Variants in FER1L6 observed in about 807,000 individuals in gnomAD.
FER1L6 encodes the protein fer-1 like family member 6.
Under a neutral mutation model 219.2 loss-of-function variants are expected in FER1L6, and 177 were observed. The ratio of observed to expected loss-of-function variants is 0.81; its 90% CI spans 0.71 to 0.91. FER1L6 has a LOEUF of 0.91. FER1L6 is among the 40% of genes least tolerant of loss of function. FER1L6 has a pLI of 0.00. For synonymous variants in FER1L6, 768 were observed against 824.3 expected (o/e 0.93, Z 1.17); for missense variants, 2,153 against 2,259.9 (o/e 0.95, Z 0.96).
chr8:124,035,445 C>T lies in FER1L6; in HGVS notation c.2455C>T (p.Leu819Phe), dbSNP rs1819157082. Reference protein sequence around the residue: ...AGTNHPPSNLLYQEQHVFQLR... With the variant: ...AGTNHPPSNLFYQEQHVFQLR... ...CACCAATCACCCCCCATCTAACCTG[C>T]TCTACCAAGGTAGGGTCCCCACTGG... Residue 819 changes from leucine (L) to phenylalanine (F), a missense_variant, in exon 19 of 41, where the codon CTC becomes TTC. Leu to Phe is a conservative substitution (Grantham distance 22, BLOSUM62 0). Transcript: ENST00000522917. The T allele has an allele frequency of 6.2e-7, 1 of 1,612,504 alleles. No homozygotes were observed. Among genetic ancestry groups the T allele is most frequent in the African/African-American group, 1.3e-5 (1 of 74,886 alleles).
intron 1 of FER1L6, among the ~76,000 whole-genome samples, chr8:123,891,421 T>C (rs1439875267): frequency 6.6e-6 from 1 of 151,468 alleles, no homozygotes; most frequent in Non-Finnish European, 1.5e-5. Flanking sequence ...ATTTACCTTC[T>C]TTTTTTTAAT....
intron 12 of FER1L6, among the ~76,000 whole-genome samples, chr8:123,990,864 G>A (rs1816822843): frequency 6.6e-6 from 1 of 152,136 alleles, no homozygotes; most frequent in South Asian, 2.1e-4. Context: ...TTAGATTTAA[G>A]TCCTTGATCC....
chr8:123,974,002 T>A (rs533689641), intron 7 of FER1L6, among the ~76,000 whole-genome samples: 1 of 152,366 alleles, frequency 6.6e-6, no homozygotes, highest in South Asian at 2.1e-4. Flanking sequence ...TAAAAATGAC[T>A]ACAGCATTTT....
rs1451847846 is a variant in FER1L6 at position 123,852,486 on chromosome 8, GTGTGT to G, written c.-8+302_-8+306del. ...TGTGAGCATGCGTGTGTGTGTGTGT[GTGTGT>G]GTGTGTGTGTGTGTGTGTGTGTTTG... On this transcript the variant is annotated intron_variant, in intron 1 of 40. Coordinates refer to ENST00000522917, the MANE Select transcript of FER1L6 (RefSeq NM_001039112.2). The surrounding 1 kb of genome is among the most constrained non-coding windows in gnomAD (Gnocchi z 4.9). Among the ~76,000 whole-genome samples the G allele has an allele frequency of 6.7e-6, 1 of 150,344 alleles. No homozygotes were observed. The highest frequency in any genetic ancestry group is 1.5e-5 in the Non-Finnish European group (1 of 67,798).
At chr8:123,986,556 AGTT>A (rs1298505380) in intron 12 of FER1L6, among the ~76,000 whole-genome samples, 1 of 152,102 alleles carries the variant, frequency 6.6e-6, no homozygotes, top group Non-Finnish European at 1.5e-5. Flanking sequence ...ACGTACAGTA[AGTT>A]GTTGTTGACT....
intron 22 of FER1L6, among the ~76,000 whole-genome samples, chr8:124,054,122 C>T (rs1232097172): frequency 6.6e-6 from 1 of 152,140 alleles, no homozygotes; most frequent in Non-Finnish European, 1.5e-5. Flanking sequence ...TCTTTTAGTG[C>T]TCATCTGAAC....
chr8:123,920,997 G>C (rs111392596), intron 1 of FER1L6, among the ~76,000 whole-genome samples: 2 of 152,148 alleles, frequency 1.3e-5, no homozygotes, highest in African/African-American at 4.8e-5. Flanking sequence ...TGTCCTCAAG[G>C]TTCATCCATG....
At chr8:123,921,539 AT>A (rs34702833) in intron 1 of FER1L6, among the ~76,000 whole-genome samples, 536 of 141,756 alleles carry the variant, frequency 3.8e-3, no homozygotes, top group East Asian at 8.3e-3. Context: ...TAATTTTTGG[AT>A]TTTTTTTTTT....
chr8:123,890,605 C>T (rs908837569), intron 1 of FER1L6, among the ~76,000 whole-genome samples: 4 of 123,682 alleles, frequency 3.2e-5, no homozygotes, highest in Admixed American at 3.2e-4. Flanking sequence ...TGATAGAGCA[C>T]ACTAGCCATT....
intron 28 of FER1L6, among the ~76,000 whole-genome samples, chr8:124,068,952 T>TC (rs1820945988): frequency 6.6e-6 from 1 of 151,062 alleles, no homozygotes; most frequent in Non-Finnish European, 1.5e-5. Flanking sequence ...TTTTTTTTTT[T>TC]CCGAGACGGA....
Position 124,049,611 on chromosome 8 carries a change from A to C in FER1L6, c.2729A>C (p.Lys910Thr). The C allele has an allele frequency of 1.2e-6, 2 of 1,613,840 alleles. No individual in the cohort carries two copies. Among genetic ancestry groups the C allele is most frequent in the East Asian group, 4.5e-5 (2 of 44,862 alleles). The change falls in exon 22 of 41, where the codon AAG becomes ACG. Residue 910 changes from lysine to threonine, a missense_variant. Physicochemically the swap from Lys to Thr is moderately conservative, Grantham distance 78. Transcript: ENST00000522917. ...CTCATTTCTTTTCTTCTTTAGGGGA[A>C]GCCAGAATATTTGGGTGCCACAGTG... Reference protein sequence around the residue: ...VELYDSDAVGKPEYLGATVAA... With the variant: ...VELYDSDAVGTPEYLGATVAA...
chr8:124,045,980 A>G, intron 21 of FER1L6, 79 bp downstream of exon 21: 1 of 1,550,610 alleles, frequency 6.4e-7, no homozygotes, highest in Non-Finnish European at 8.8e-7. Context: ...ATTTTAAAGT[A>G]AATAAAGTCC....
At chr8:123,947,141 C>T (rs1024655294) in intron 1 of FER1L6, among the ~76,000 whole-genome samples, 9 of 151,802 alleles carry the variant, frequency 5.9e-5, no homozygotes, top group African/African-American at 2.2e-4. Context: ...AAAAAATTAG[C>T]CGGGTGTGGT....
chr8:124,101,842 C>T (rs1822560147), intron 38 of FER1L6, among the ~76,000 whole-genome samples: 2 of 152,120 alleles, frequency 1.3e-5, no homozygotes, highest in South Asian at 4.1e-4. Flanking sequence ...AGTGGTCAGG[C>T]CTCAACTTGG....
chr8:124,076,098 G>T, intron 31 of FER1L6, 100 bp from the exon 32 acceptor site: 1 of 1,455,532 alleles, frequency 6.9e-7, no homozygotes. Context: ...TCTAGAGACA[G>T]AAGTCAGGCA....
At chr8:123,918,945 C>T (rs1006022673) in intron 1 of FER1L6, among the ~76,000 whole-genome samples, 2 of 152,136 alleles carry the variant, frequency 1.3e-5, no homozygotes, top group African/African-American at 4.8e-5. Flanking sequence ...CAAGGGCTCT[C>T]AGTCCAGCAG....
At chr8:124,118,219 A>G (rs1423998418) in intron 39 of FER1L6, among the ~76,000 whole-genome samples, 1 of 152,216 alleles carries the variant, frequency 6.6e-6, no homozygotes, top group East Asian at 1.9e-4. Context: ...TCACCCTTTG[A>G]TAAATCAAGA....
intron 31 of FER1L6, among the ~76,000 whole-genome samples, chr8:124,075,333 AACAAAC>A (rs1821233897): frequency 7.6e-6 from 1 of 131,128 alleles, no homozygotes; most frequent in Non-Finnish European, 1.9e-5. Flanking sequence ...TAAAAACTAA[AACAAAC>A]ACACACACGT....
intron 5 of FER1L6, among the ~76,000 whole-genome samples, chr8:123,967,473 T>G (rs1022184305): frequency 2.0e-5 from 3 of 152,204 alleles, no homozygotes; most frequent in African/African-American, 2.4e-5. Flanking sequence ...TGAAATGCTT[T>G]TAACCTTTTG....
Sources: gnomAD v4.1 joint callset for allele counts (sites outside exome capture counted in the v4.1 genomes callset) on GRCh38, gnomAD v4.1.1 for gene constraint, Gnocchi (gnomAD v3.1) non-coding constraint, MANE v1.5 for transcripts, NCBI Gene and HGNC (gene_info 2026-07-23, HGNC 2026-07-21) for gene names.